ADAMTS12: variants seen among roughly 807,000 people sequenced by gnomAD.
ADAMTS12 encodes the protein A disintegrin and metalloproteinase with thrombospondin motifs 12.
A neutral mutation model predicts 167.8 loss-of-function variants in ADAMTS12; 118 were observed. That is an observed-to-expected ratio of 0.70 (90% CI 0.61 to 0.82). The LOEUF is 0.82. Among genes scored for constraint, ADAMTS12 ranks in the 40% least tolerant of loss-of-function variants. The pLI is 0.00. For missense variants in ADAMTS12, 1,916 were observed against 1,998.8 expected (o/e 0.96, Z 0.79); for synonymous variants, 704 against 716.9 (o/e 0.98, Z 0.29).
In ADAMTS12 at chr5:33,759,808, T is replaced by C. The variant is rs567788432; in HGVS notation, c.490-8260A>G. Among the ~76,000 whole-genome samples the C allele has an allele frequency of 3.5e-4, 54 of 152,290 alleles. 1 individual carries two copies. The South Asian group carries it at 0.011, about 32-fold the overall frequency. On this transcript the variant is annotated intron_variant, in intron 2 of 23. Coordinates refer to ENST00000504830, the MANE Select transcript of ADAMTS12 (RefSeq NM_030955.4). The stretch of plus-strand genomic sequence containing the variant: ...TTTCGTTTTAATTCCCAAGAGCTGC[T>C]CCCACAGATTCACAAACTATTGTTC...
intron 5 of ADAMTS12, among the ~76,000 whole-genome samples, chr5:33,681,286 G>A (rs190038895): frequency 4.6e-5 from 7 of 152,262 alleles, no homozygotes; most frequent in East Asian, 1.9e-4. Flanking sequence ...ACACACGATC[G>A]TGGAGATTTT....
chr5:33,725,927 C>A (rs1561237204), intron 3 of ADAMTS12, among the ~76,000 whole-genome samples: 1 of 152,206 alleles, frequency 6.6e-6, no homozygotes, highest in African/African-American at 2.4e-5. Context: ...GATTCTGATG[C>A]ACACTCTCGT....
chr5:33,684,612 C>G (rs772958177), intron 3 of ADAMTS12, among the ~76,000 whole-genome samples: 2 of 152,138 alleles, frequency 1.3e-5, no homozygotes, highest in Non-Finnish European at 2.9e-5. Flanking sequence ...ACAGAGTAAA[C>G]ATGTATAAAA....
chr5:33,818,613 A>C (rs1010580055), intron 2 of ADAMTS12, among the ~76,000 whole-genome samples: 1 of 152,040 alleles, frequency 6.6e-6, no homozygotes, highest in African/African-American at 2.4e-5. Flanking sequence ...GCTGGGTCAC[A>C]TGTTAGTTCT....
chr5:33,542,827 C>T (rs2111796063), intron 22 of ADAMTS12, among the ~76,000 whole-genome samples: 1 of 152,276 alleles, frequency 6.6e-6, no homozygotes, highest in Middle Eastern at 3.4e-3. Context: ...AGAAGAAAGA[C>T]ACAATGTACC....
intron 18 of ADAMTS12, among the ~76,000 whole-genome samples, chr5:33,581,483 T>C (rs1747062157): frequency 6.6e-6 from 1 of 152,186 alleles, no homozygotes; most frequent in Admixed American, 6.5e-5. Flanking sequence ...CAATTGGCAC[T>C]GAGCTGTAGT....
chr5:33,862,830 A>G (rs1489920519), intron 2 of ADAMTS12, among the ~76,000 whole-genome samples: 1 of 152,202 alleles, frequency 6.6e-6, no homozygotes. Flanking sequence ...AAGCACATCA[A>G]AAAGCTTATC....
At chr5:33,568,443 T>G (rs1746125527) in intron 19 of ADAMTS12, among the ~76,000 whole-genome samples, 1 of 152,142 alleles carries the variant, frequency 6.6e-6, no homozygotes, top group Admixed American at 6.5e-5. Context: ...ATAAAAGAAT[T>G]TTATATAGTT....
chr5:33,806,042 T>G lies in ADAMTS12; in HGVS notation c.490-54494A>C, dbSNP rs149733322. Among the ~76,000 whole-genome samples, 3 of 152,298 alleles carry G rather than the reference T, an allele frequency of 2.0e-5. No individual in the cohort carries two copies. The East Asian group carries it at 5.8e-4, about 29-fold the overall frequency. ...GGTAAATAAGTGTAAATATCTAAAA[T>G]TAGATACTTTTTTACAATTTCAAGT... On this transcript the variant is annotated intron_variant, in intron 2 of 23. Transcript: ENST00000504830.
chr5:33,756,947 A>C (rs1745192044), intron 2 of ADAMTS12, among the ~76,000 whole-genome samples: 1 of 152,230 alleles, frequency 6.6e-6, no homozygotes, highest in East Asian at 1.9e-4. Flanking sequence ...TGAGCACTTG[A>C]GATATAGCCA....
chr5:33,637,848 A>G (rs902689392), intron 11 of ADAMTS12, 102 bp from the exon 12 acceptor site: 2 of 1,262,304 alleles, frequency 1.6e-6, no homozygotes, highest in Admixed American at 2.6e-5. Flanking sequence ...ATGTCTCTCT[A>G]TGCCCTCAAA....
rs183308563 is a variant in ADAMTS12, at chr5:33,561,086, G to C, written c.4066C>G (p.Pro1356Ala). The change falls in exon 20 of 24, where the codon CCT becomes GCT. Residue 1356 changes from proline to alanine, a missense_variant. Coordinates refer to ENST00000504830, the MANE Select transcript of ADAMTS12 (RefSeq NM_030955.4). ...GGACGGAGGTGGCATCTTTTTGCAG[G>C]GTCAGGTCTCTGGATGGCCGCACAG... ...SDCAAIQRPD[P>A]AKRCHLRPCA... 6 of 1,614,116 alleles carry C rather than the reference G, an allele frequency of 3.7e-6. No homozygotes were observed. In the East Asian group the frequency reaches 1.3e-4, roughly 36 times the overall value.
At chr5:33,851,058 G>A (rs185007264) in intron 2 of ADAMTS12, among the ~76,000 whole-genome samples, 314 of 152,304 alleles carry the variant, frequency 2.1e-3, no homozygotes, top group Admixed American at 5.0e-3. Context: ...CAGTGCTTGC[G>A]CATGACAGAG....
intron 19 of ADAMTS12, among the ~76,000 whole-genome samples, chr5:33,570,354 G>A (rs941163527): frequency 1.2e-4 from 18 of 152,214 alleles, no homozygotes; most frequent in East Asian, 1.9e-4. Context: ...GAGAAAGGTC[G>A]GGTTACCCAC....
At chr5:33,731,244 G>T (rs1173743904) in intron 3 of ADAMTS12, among the ~76,000 whole-genome samples, 1 of 150,702 alleles carries the variant, frequency 6.6e-6, no homozygotes, top group Admixed American at 6.6e-5. Context: ...GGAGTCTAGT[G>T]GTGTGATCTC....
At chr5:33,877,942 G>A (rs545734320) in intron 2 of ADAMTS12, among the ~76,000 whole-genome samples, 11 of 152,242 alleles carry the variant, frequency 7.2e-5, no homozygotes, top group East Asian at 3.9e-4. Flanking sequence ...ACAGGCAGAC[G>A]TCCTGGTCCA....
intron 2 of ADAMTS12, among the ~76,000 whole-genome samples, chr5:33,803,887 G>A (rs746616865): frequency 1.1e-4 from 17 of 152,246 alleles, no homozygotes; most frequent in Admixed American, 6.5e-4. Context: ...TCCCTCCCAC[G>A]AAACATGGGA....
chr5:33,633,184 A>G (rs1344629253), intron 12 of ADAMTS12, among the ~76,000 whole-genome samples: 1 of 49,440 alleles, frequency 2.0e-5, no homozygotes, highest in African/African-American at 4.7e-5. Flanking sequence ...AGACACATAT[A>G]TTCCTTTTAA....
intron 3 of ADAMTS12, among the ~76,000 whole-genome samples, chr5:33,727,325 C>T (rs180730562): frequency 3.3e-5 from 5 of 152,190 alleles, no homozygotes; most frequent in African/African-American, 1.2e-4. Flanking sequence ...CCATTGGGCT[C>T]TCGCCTCCTT....
Sources: gnomAD v4.1 joint callset for allele counts (sites outside exome capture counted in the v4.1 genomes callset) on GRCh38, gnomAD v4.1.1 for gene constraint, MANE v1.5 for transcripts, NCBI Gene and HGNC (gene_info 2026-07-23, HGNC 2026-07-21) for gene names.